The following AGMO variants were observed in gnomAD, a reference collection of about 807,000 sequenced individuals.
AGMO encodes glyceryl-ether monooxygenase.
Under a neutral mutation model 60.2 loss-of-function variants are expected in AGMO, and 75 were observed. The ratio of observed to expected loss-of-function variants is 1.25; its 90% confidence interval spans 1.03 to 1.51. The LOEUF (loss-of-function observed/expected upper bound fraction) is 1.51. AGMO is among the 40% of genes most tolerant of loss of function. The pLI, the probability that AGMO is intolerant of heterozygous loss-of-function variation, is 0.00. For synonymous variants in AGMO, 261 were observed against 177.1 expected, an observed-to-expected ratio of 1.47 and a Z score of -3.76; for missense variants, 763 against 525.5, an observed-to-expected ratio of 1.45 and a Z score of -4.42.
At chr7:15,209,968 G>GA (rs1322859858) in intron 12 of AGMO, among the ~76,000 whole-genome samples, 1 of 151,856 alleles carries the variant, frequency 6.6e-6, no homozygotes, top group Non-Finnish European at 1.5e-5. Context: ...TTCAAGCTAT[G>GA]AAAAAAGGTG....
At chr7:15,346,062 T>C (rs1563099800) in intron 12 of AGMO, among the ~76,000 whole-genome samples, 4 of 152,166 alleles carry the variant, frequency 2.6e-5, no homozygotes, top group African/African-American at 9.6e-5. Context: ...TATATTCTGC[T>C]GTTAGTATCA....
At chr7:15,141,474 T>C in the AGMO span, among the ~76,000 whole-genome samples, 2 of 152,074 alleles carry the variant, frequency 1.3e-5, no homozygotes, top group South Asian at 2.1e-4. Context: ...TCCCCCCAGC[T>C]ACTTGGGAGG....
intron 12 of AGMO, among the ~76,000 whole-genome samples, chr7:15,314,281 G>A (rs1370418574): frequency 2.0e-5 from 3 of 152,038 alleles, no homozygotes; most frequent in Non-Finnish European, 4.4e-5. Flanking sequence ...TAATATTTTT[G>A]TAGCACAGTT....
chr7:15,336,148 A>G (rs1781652887), intron 12 of AGMO, among the ~76,000 whole-genome samples: 1 of 152,090 alleles, frequency 6.6e-6, no homozygotes, highest in Non-Finnish European at 1.5e-5. Flanking sequence ...AAAATAACAC[A>G]TACTCCCCCA....
At chr7:15,550,261 A>G (rs1306520150) in intron 2 of AGMO, among the ~76,000 whole-genome samples, 2 of 151,666 alleles carry the variant, frequency 1.3e-5, no homozygotes, top group Non-Finnish European at 2.9e-5. Context: ...AAAGAACTAG[A>G]AAAGCAAGAG....
chr7:15,155,419 CTTTTTTTTTTTTTTTTTT>C, the AGMO span, among the ~76,000 whole-genome samples: 1 of 63,912 alleles, frequency 1.6e-5, no homozygotes, highest in East Asian at 5.1e-4. Context: ...TACAGAATTT[CTTTTTTTTTTTTTTTTTT>C]TTTTTTTTTT....
At chr7:15,553,094 T>A (rs1050898013) in intron 2 of AGMO, among the ~76,000 whole-genome samples, 158 of 149,616 alleles carry the variant, frequency 1.1e-3, no homozygotes, top group Non-Finnish European at 1.8e-3. Context: ...CACCGCATAT[T>A]CTCACTCATA....
chr7:15,393,103 T>C (rs914183403), intron 6 of AGMO, among the ~76,000 whole-genome samples: 5 of 152,222 alleles, frequency 3.3e-5, no homozygotes, highest in Non-Finnish European at 7.3e-5. Flanking sequence ...GAACCAATCA[T>C]AAATCAAGGA....
intron 12 of AGMO, among the ~76,000 whole-genome samples, chr7:15,252,893 G>C (rs180847505): frequency 2.6e-5 from 4 of 152,226 alleles, no homozygotes; most frequent in Admixed American, 2.6e-4. Context: ...GACATACAGA[G>C]AGTTAAGTGA....
intron 3 of AGMO, among the ~76,000 whole-genome samples, chr7:15,443,506 A>T (rs1249247439): frequency 6.6e-6 from 1 of 152,140 alleles, no homozygotes; most frequent in African/African-American, 2.4e-5. Flanking sequence ...ATTGTTTTTC[A>T]TCAATCCACT....
At position 15,354,503 on chromosome 7, in the gene AGMO, T is replaced by C. The variant is rs1286597133; in HGVS notation, c.1263+11011A>G. ...GTGTGTATATACACACGTGTATATA[T>C]ATATATATATATATATATATATATA... On this transcript the variant is annotated intron_variant, in intron 12 of 12. Coordinates refer to ENST00000342526, the MANE Select transcript of AGMO (RefSeq NM_001004320.2). 7.2e-3 allele frequency among the ~76,000 whole-genome samples: 180 copies of C among 24,900 alleles called. 9 individuals are homozygous for C. Among genetic ancestry groups the C allele is most frequent in the Middle Eastern group, 0.042 (2 of 48 alleles). The allele number at this position is 24,900 out of a possible 152,430, so 16.3% of individuals were successfully genotyped here.
At chr7:15,142,907 C>T in the AGMO span, among the ~76,000 whole-genome samples, 1 of 152,162 alleles carries the variant, frequency 6.6e-6, no homozygotes, top group African/African-American at 2.4e-5. Context: ...ATCCTCACAA[C>T]CACGTTATGG....
chr7:15,234,062 A>G (rs769505328), intron 12 of AGMO, among the ~76,000 whole-genome samples: 36 of 152,086 alleles, frequency 2.4e-4, no homozygotes, highest in African/African-American at 8.7e-4. Context: ...ACAAACAAAC[A>G]ATAACAAAAA....
At chr7:15,285,549 G>T (rs978367544) in intron 12 of AGMO, among the ~76,000 whole-genome samples, 1 of 151,830 alleles carries the variant, frequency 6.6e-6, no homozygotes, top group African/African-American at 2.4e-5. Context: ...AGAGCTAAAA[G>T]AAACTGCTGA....
chr7:15,200,403 A>G lies in AGMO; in HGVS notation c.*882T>C, dbSNP rs555768449. 5 of 152,254 alleles carry G rather than the reference A, an allele frequency of 3.3e-5. No homozygotes were observed. The highest frequency in any genetic ancestry group is 1.2e-4 in the African/African-American group (5 of 41,474). The allele number at this position is 152,254 out of a possible 1,614,324, so 9.4% of individuals were successfully genotyped here. On this transcript the variant is annotated 3_prime_UTR_variant, in exon 13 of 13. Coordinates refer to ENST00000342526, the MANE Select transcript of AGMO (RefSeq NM_001004320.2). ...TTGCTGCATGCTGCCCAGTCTGCCA[A>G]AACAAATTGACCAAGCATATTAGAG...
At chr7:15,178,045 T>C in the AGMO span, among the ~76,000 whole-genome samples, 1 of 152,142 alleles carries the variant, frequency 6.6e-6, no homozygotes, top group Non-Finnish European at 1.5e-5. Context: ...TTCTTACCCC[T>C]CCTCAGCCTG....
chr7:15,465,521 C>T lies in AGMO; in HGVS notation c.410-34413G>A, dbSNP rs369452150. 2.0e-4 allele frequency among the ~76,000 whole-genome samples: 30 copies of T among 150,692 alleles called. 1 individual carries two copies. Among genetic ancestry groups the T allele is most frequent in the Admixed American group, 9.3e-4 (14 of 15,102 alleles). ...CACTGCAGACTTGACATCTGGGGCT[C>T]AAGCAATTCTCCCGCCTCAGCCTCC... On this transcript the variant is annotated intron_variant, in intron 3 of 12. Coordinates refer to ENST00000342526, the MANE Select transcript of AGMO (RefSeq NM_001004320.2).
chr7:15,209,626 T>C (rs1781531103), intron 12 of AGMO, among the ~76,000 whole-genome samples: 1 of 152,190 alleles, frequency 6.6e-6, no homozygotes, highest in African/African-American at 2.4e-5. Flanking sequence ...CTCAGTGTTC[T>C]GCCAGAGATG....
rs767215117 is a variant in AGMO, at chr7:15,390,754, G to T, written c.743-4C>A. On this transcript the variant is annotated splice_polypyrimidine_tract_variant and splice_region_variant and intron_variant, in intron 7 of 12. Coordinates refer to ENST00000342526, the MANE Select transcript of AGMO (RefSeq NM_001004320.2). ...TCATTTTCTGCTTCAAATGTCCCTGGAAGATAAATATAAAGATATGAGATT... is the reference window on the plus strand; with the variant it reads ...TCATTTTCTGCTTCAAATGTCCCTGTAAGATAAATATAAAGATATGAGATT... 2.5e-6 allele frequency: 4 copies of T among 1,605,648 alleles called. No individual in the cohort carries two copies. In the African/African-American group the frequency reaches 4.0e-5, roughly 16 times the overall value.
Sources: gnomAD v4.1 joint callset for allele counts (sites outside exome capture counted in the v4.1 genomes callset) on GRCh38, gnomAD v4.1.1 for gene constraint, MANE v1.5 for transcripts, NCBI Gene and HGNC (gene_info 2026-07-23, HGNC 2026-07-21) for gene names.